BLOC1S5: variants seen among roughly 807,000 people sequenced by gnomAD.
The protein encoded by BLOC1S5 is biogenesis of lysosome-related organelles complex 1 subunit 5.
BLOC1S5 carries 27 observed loss-of-function variants against 24.3 expected under a neutral mutation model. That is an observed-to-expected ratio of 1.11 (90% CI 0.82 to 1.53). BLOC1S5 has a LOEUF of 1.53. Ranked by LOEUF, BLOC1S5 falls within the 40% of genes most tolerant of loss-of-function variation. The probability of loss-of-function intolerance (pLI) is 0.00; values close to 1 mark genes in which losing one functional copy is unlikely to be tolerated. For missense variants in BLOC1S5, 239 were observed against 229.4 expected (o/e 1.04, Z -0.27); for synonymous variants, 84 against 74.5 (o/e 1.13, Z -0.66).
At chr6:8,044,708 G>A (rs1379792852) in intron 2 of BLOC1S5, among the ~76,000 whole-genome samples, 1 of 152,346 alleles carries the variant, frequency 6.6e-6, no homozygotes, top group Middle Eastern at 3.4e-3. Flanking sequence ...GGTGACTCTT[G>A]TTATGCTTTA....
intron 2 of BLOC1S5, among the ~76,000 whole-genome samples, chr6:8,057,980 T>C (rs753196753): frequency 4.2e-4 from 64 of 152,212 alleles, no homozygotes; most frequent in Admixed American, 4.6e-4. Flanking sequence ...TACACCATGA[T>C]GACTCTTTGT....
At chr6:8,035,359 T>TA (rs60896604) in intron 3 of BLOC1S5, among the ~76,000 whole-genome samples, 22,901 of 148,446 alleles carry the variant, frequency 0.15, 1,880 homozygotes, top group Non-Finnish European at 0.17. Context: ...TTTTTTTTTT[T>TA]AAAAAAAAGG....
At chr6:8,017,189 T>C (rs919667286) in intron 4 of BLOC1S5, among the ~76,000 whole-genome samples, 4 of 152,224 alleles carry the variant, frequency 2.6e-5, no homozygotes, top group Non-Finnish European at 5.9e-5. Flanking sequence ...ATTTCAACTA[T>C]TCTACATGTA....
chr6:8,025,210 C>T (rs1421103185), intron 4 of BLOC1S5, among the ~76,000 whole-genome samples: 1 of 152,238 alleles, frequency 6.6e-6, no homozygotes, highest in Admixed American at 6.5e-5. Context: ...AGACTTTTAG[C>T]TCCTTAAGTG....
intron 3 of BLOC1S5, 108 bp from the exon 4 acceptor site, chr6:8,026,533 A>C (rs1763112601): frequency 3.6e-6 from 3 of 842,480 alleles, no homozygotes; most frequent in Non-Finnish European, 5.7e-6. Flanking sequence ...TAGATCTCAA[A>C]AAACTATGCA....
intron 2 of BLOC1S5, among the ~76,000 whole-genome samples, chr6:8,047,439 C>A (rs973564824): frequency 6.6e-6 from 1 of 152,080 alleles, no homozygotes; most frequent in Admixed American, 6.5e-5. Context: ...GTTGACCACG[C>A]CTGGCCAACA....
At chr6:8,046,495 T>C (rs1053049466) in intron 2 of BLOC1S5, among the ~76,000 whole-genome samples, 11 of 152,000 alleles carry the variant, frequency 7.2e-5, no homozygotes, top group Non-Finnish European at 1.0e-4. Flanking sequence ...ACTAGATATG[T>C]TACTGAGGTT....
chr6:8,022,588 TTTTC>T lies in BLOC1S5; in HGVS notation c.384+3775_384+3778del, dbSNP rs1581396011. Among the ~76,000 whole-genome samples, 8 of 126,756 alleles carry T rather than the reference TTTTC, an allele frequency of 6.3e-5. 2 individuals carry two copies. The East Asian group carries it at 2.1e-3, about 33-fold the overall frequency. The allele number at this position is 126,756 out of a possible 152,430, so 83.2% of individuals were successfully genotyped here. On this transcript the variant is annotated intron_variant, in intron 4 of 4. Coordinates refer to ENST00000397457, the MANE Select transcript of BLOC1S5 (RefSeq NM_201280.3). ...ACTCTATTTTTTTTTTCTTTTTTTT[TTTTC>T]TTTTTTTTTTGAGACGGAGTCTCGC... is the stretch of plus-strand genomic sequence containing the variant.
intron 2 of BLOC1S5, among the ~76,000 whole-genome samples, chr6:8,042,697 C>T (rs7764394): frequency 1.3e-5 from 2 of 152,138 alleles, no homozygotes; most frequent in African/African-American, 4.8e-5. Flanking sequence ...TGTGGCCCAA[C>T]ACAATTCTTC....
intron 2 of BLOC1S5, among the ~76,000 whole-genome samples, chr6:8,041,655 C>CTTTTTTTTTTTTTTTTTTTTTTTT (rs1554139177): frequency 5.4e-5 from 6 of 111,926 alleles, no homozygotes; most frequent in Admixed American, 1.1e-4. Context: ...TTCTTTCTTT[C>CTTTTTTTTTTTTTTTTTTTTTTTT]TTTTTTTTTG....
intron 2 of BLOC1S5, among the ~76,000 whole-genome samples, chr6:8,061,264 A>G (rs537101385): frequency 1.3e-5 from 2 of 152,358 alleles, no homozygotes; most frequent in South Asian, 2.1e-4. Context: ...ATAAATAAAT[A>G]AAATATCAAA....
At chr6:8,055,821 C>T (rs1380472027) in intron 2 of BLOC1S5, among the ~76,000 whole-genome samples, 1 of 152,178 alleles carries the variant, frequency 6.6e-6, no homozygotes, top group Admixed American at 6.5e-5. Flanking sequence ...GTGAAGTCCC[C>T]TCCCAGTTTC....
intron 3 of BLOC1S5, among the ~76,000 whole-genome samples, chr6:8,033,630 G>A (rs935644832): frequency 2.6e-5 from 4 of 152,104 alleles, no homozygotes; most frequent in Admixed American, 6.5e-5. Flanking sequence ...AGACAAATGG[G>A]ATCTAATTAA....
chr6:8,059,974 C>T (rs949406893), intron 2 of BLOC1S5, among the ~76,000 whole-genome samples: 12 of 152,318 alleles, frequency 7.9e-5, no homozygotes, highest in African/African-American at 2.9e-4. Context: ...GATATTATGC[C>T]TCACATAAAA....
intron 3 of BLOC1S5, among the ~76,000 whole-genome samples, chr6:8,027,822 C>CAAAA (rs34329491): frequency 8.0e-6 from 1 of 125,374 alleles, no homozygotes; most frequent in Non-Finnish European, 1.7e-5. Flanking sequence ...GACTCCATCT[C>CAAAA]AAAAAAAAAA....
intron 2 of BLOC1S5, among the ~76,000 whole-genome samples, chr6:8,059,355 C>T (rs555490307): frequency 2.6e-5 from 4 of 152,304 alleles, no homozygotes; most frequent in Admixed American, 1.3e-4. Flanking sequence ...GTACTTACTC[C>T]CTTCTTTTAC....
intron 2 of BLOC1S5, among the ~76,000 whole-genome samples, chr6:8,059,434 C>A (rs1304306151): frequency 6.6e-6 from 1 of 152,122 alleles, no homozygotes; most frequent in Non-Finnish European, 1.5e-5. Flanking sequence ...ATATAAACAA[C>A]TTTAGTTTTA....
chr6:8,057,190 G>A (rs1764341040), intron 2 of BLOC1S5, among the ~76,000 whole-genome samples: 1 of 152,034 alleles, frequency 6.6e-6, no homozygotes, highest in Admixed American at 6.6e-5. Flanking sequence ...TTGTACTCCA[G>A]CCTGGGCAAC....
chr6:8,050,222 T>C (rs540206430), intron 2 of BLOC1S5, among the ~76,000 whole-genome samples: 1 of 152,332 alleles, frequency 6.6e-6, no homozygotes, highest in East Asian at 1.9e-4. Context: ...TTATTACACC[T>C]GTAAGGGTGA....
Sources: allele counts gnomAD v4.1 joint callset (sites outside exome capture counted in the v4.1 genomes callset), GRCh38; gene constraint gnomAD v4.1.1; transcripts MANE v1.5; gene names NCBI Gene and HGNC (gene_info 2026-07-23, HGNC 2026-07-21).